The following C1orf21 variants were observed in gnomAD, a reference collection of about 807,000 sequenced individuals.
C1orf21 encodes the protein chromosome 1 open reading frame 21.
In C1orf21, 3 loss-of-function variants were observed where a neutral mutation model predicts 18.7. The observed-to-expected ratio is 0.16, with a 90% CI of 0.07 to 0.42. The LOEUF (loss-of-function observed/expected upper bound fraction) is 0.42. Ranked by LOEUF, C1orf21 falls within the 10% of genes least tolerant of loss-of-function variation. The pLI is 0.99. For synonymous variants in C1orf21, 41 were observed against 46.4 expected, an observed-to-expected ratio of 0.88 and a Z score of 0.47; for missense variants, 104 against 143.6, an observed-to-expected ratio of 0.72 and a Z score of 1.41.
chr1:184,406,759 G>GT (rs1557963852), intron 1 of C1orf21, among the ~76,000 whole-genome samples: 1 of 152,208 alleles, frequency 6.6e-6, no homozygotes, highest in East Asian at 1.9e-4. Flanking sequence ...CAGTAAGTGT[G>GT]TTTTTTCCTC....
intron 2 of C1orf21, among the ~76,000 whole-genome samples, chr1:184,484,341 G>T (rs1433949372): frequency 6.6e-6 from 1 of 152,084 alleles, no homozygotes; most frequent in African/African-American, 2.4e-5. Flanking sequence ...CTTGGCACGG[G>T]CCCGTTTTCT....
At chr1:184,420,086 C>T (rs767656511) in intron 1 of C1orf21, among the ~76,000 whole-genome samples, 1 of 152,094 alleles carries the variant, frequency 6.6e-6, no homozygotes, top group Non-Finnish European at 1.5e-5. Context: ...AGGTCAAATC[C>T]TGGGTCTGCT....
intron 2 of C1orf21, among the ~76,000 whole-genome samples, chr1:184,505,370 A>G (rs1159457229): frequency 1.4e-5 from 2 of 146,416 alleles, no homozygotes; most frequent in Admixed American, 1.4e-4. Context: ...ATAGACATGT[A>G]TATATTCACC....
intron 3 of C1orf21, among the ~76,000 whole-genome samples, chr1:184,572,986 A>T (rs1659134887): frequency 6.6e-6 from 1 of 151,476 alleles, no homozygotes; most frequent in Non-Finnish European, 1.5e-5. Context: ...AGTCAAGTGG[A>T]TGCCACCTTG....
At chr1:184,521,684 A>G (rs1331413929) in intron 3 of C1orf21, among the ~76,000 whole-genome samples, 1 of 152,238 alleles carries the variant, frequency 6.6e-6, no homozygotes, top group East Asian at 1.9e-4. Context: ...TGGTAGGTAC[A>G]TGTTACTATA....
intron 2 of C1orf21, among the ~76,000 whole-genome samples, chr1:184,498,650 G>A (rs1398613681): frequency 6.6e-6 from 1 of 151,942 alleles, no homozygotes; most frequent in Non-Finnish European, 1.5e-5. Flanking sequence ...TACAAAGGAG[G>A]GCATGTGAGA....
intron 1 of C1orf21, among the ~76,000 whole-genome samples, chr1:184,407,130 T>C (rs1413445127): frequency 2.0e-5 from 3 of 152,110 alleles, no homozygotes; most frequent in Admixed American, 2.0e-4. Flanking sequence ...TGCATATCAC[T>C]AGGCTTGGCT....
intron 5 of C1orf21, among the ~76,000 whole-genome samples, chr1:184,607,812 AAG>A (rs1659671431): frequency 6.6e-6 from 1 of 151,890 alleles, no homozygotes; most frequent in African/African-American, 2.4e-5. Context: ...TTATTAAGTG[AAG>A]AGAGGATTAT....
chr1:184,563,521 T>A (rs1171825826), intron 3 of C1orf21, among the ~76,000 whole-genome samples: 1 of 152,184 alleles, frequency 6.6e-6, no homozygotes, highest in Non-Finnish European at 1.5e-5. Flanking sequence ...CTAGCATACA[T>A]AATTTCAGGC....
chr1:184,559,374 G>A (rs1284682826), intron 3 of C1orf21, among the ~76,000 whole-genome samples: 1 of 152,050 alleles, frequency 6.6e-6, no homozygotes, highest in African/African-American at 2.4e-5. Context: ...CCCAGAAGCA[G>A]ATGCAGCTGT....
chr1:184,576,688 C>T (rs1219330016), intron 3 of C1orf21, among the ~76,000 whole-genome samples: 2 of 152,250 alleles, frequency 1.3e-5, no homozygotes, highest in African/African-American at 4.8e-5. Context: ...TTTTCCTCCC[C>T]AGGATTACTG....
intron 5 of C1orf21, 51 bp downstream of exon 5, chr1:184,598,512 G>A (rs1659547122): frequency 6.7e-7 from 1 of 1,496,996 alleles, no homozygotes; most frequent in Admixed American, 1.8e-5. Flanking sequence ...TATAGTAATG[G>A]CTTCATATGT....
chr1:184,536,582 T>C (rs777701852), intron 3 of C1orf21, among the ~76,000 whole-genome samples: 8 of 152,162 alleles, frequency 5.3e-5, no homozygotes, highest in Non-Finnish European at 1.2e-4. Context: ...ACAACTGCGA[T>C]GTGTGTGTTA....
chr1:184,566,950 T>C, intron 3 of C1orf21: 1 of 527,682 alleles, frequency 1.9e-6, no homozygotes, highest in East Asian at 5.4e-5. Flanking sequence ...GCTACAGAAA[T>C]AAGTCCACCT....
At chr1:184,561,612 T>C (rs1241436867) in intron 3 of C1orf21, among the ~76,000 whole-genome samples, 1 of 151,244 alleles carries the variant, frequency 6.6e-6, no homozygotes, top group Non-Finnish European at 1.5e-5. Context: ...GTTTCTAGGG[T>C]TGTTTGTTTG....
intron 1 of C1orf21, among the ~76,000 whole-genome samples, chr1:184,451,752 G>A (rs529664585): frequency 6.6e-6 from 1 of 152,196 alleles, no homozygotes; most frequent in South Asian, 2.1e-4. Context: ...AAAGCTAACA[G>A]CAAAATTTTC....
In C1orf21 at chr1:184,456,500, C is replaced by T. The variant is rs1012234697; in HGVS notation, c.-124-20886C>T. On this transcript the variant is annotated intron_variant, in intron 1 of 5. Transcript: ENST00000235307. ...AAAAAGGCAATATGAAATAGAAATT[C>T]GATGACCTTCAGAAAGGTTATGATA... Among the ~76,000 whole-genome samples, 6 of 152,120 alleles carry T rather than the reference C, an allele frequency of 3.9e-5. No individual in the cohort carries two copies. The East Asian group carries it at 1.2e-3, about 29-fold the overall frequency.
chr1:184,525,563 A>G (rs541762840), intron 3 of C1orf21, among the ~76,000 whole-genome samples: 73 of 152,246 alleles, frequency 4.8e-4, no homozygotes, highest in Non-Finnish European at 8.5e-4. Context: ...CATGAAACAC[A>G]CCTGTAGAAT....
chr1:184,599,367 A>G (rs1267894832), intron 5 of C1orf21: 1 of 152,178 alleles, frequency 6.6e-6, no homozygotes, highest in East Asian at 1.9e-4. Flanking sequence ...CTAAGCTATG[A>G]TGTATATCAC....
Sources: gnomAD v4.1 joint callset for allele counts (sites outside exome capture counted in the v4.1 genomes callset) on GRCh38, gnomAD v4.1.1 for gene constraint, MANE v1.5 for transcripts, NCBI Gene and HGNC (gene_info 2026-07-23, HGNC 2026-07-21) for gene names.